The following OSTC variants were observed in gnomAD, a reference collection of about 807,000 sequenced individuals.
The protein encoded by OSTC is oligosaccharyltransferase complex non-catalytic subunit, also known as oligosaccharyltransferase complex subunit OSTC.
Under a neutral mutation model 16.4 loss-of-function variants are expected in OSTC, and 16 were observed. The observed-to-expected ratio is 0.98, with a 90% CI of 0.66 to 1.49. The LOEUF is 1.49. OSTC is among the 40% of genes most tolerant of loss of function. The pLI is 0.00. For synonymous variants in OSTC, 67 were observed against 68.5 expected, an observed-to-expected ratio of 0.98 and a Z score of 0.11; for missense variants, 139 against 186.3, an observed-to-expected ratio of 0.75 and a Z score of 1.48.
chr4:108,653,471 A>G lies in OSTC; in HGVS notation c.140-2093A>G, dbSNP rs117970547. Among the ~76,000 whole-genome samples, 549 of 152,316 alleles carry G rather than the reference A, an allele frequency of 3.6e-3. 15 individuals are homozygous for G. The East Asian group carries it at 0.079, about 22-fold the overall frequency. On this transcript the variant is annotated intron_variant, in intron 1 of 3. Coordinates refer to ENST00000361564, the MANE Select transcript of OSTC (RefSeq NM_021227.4). ...GTGGCCTTTGTAGTTGACTTAGACT[A>G]TACAAGGTTTATGGTAGTGGAGATT...
At chr4:108,650,937 G>C (rs1726519255) in intron 1 of OSTC, 143 bp downstream of exon 1, 7 of 1,224,848 alleles carry the variant, frequency 5.7e-6, no homozygotes, top group Non-Finnish European at 7.8e-6. Context: ...GGAGTTCTGG[G>C]GTCCGAAGTG....
chr4:108,656,904 C>A (rs1263113977), intron 2 of OSTC, among the ~76,000 whole-genome samples: 1 of 152,026 alleles, frequency 6.6e-6, no homozygotes. Context: ...TTGGGACTAT[C>A]CTGGCTAACC....
chr4:108,659,401 A>G (rs1300855590), intron 3 of OSTC, among the ~76,000 whole-genome samples: 1 of 152,128 alleles, frequency 6.6e-6, no homozygotes. Flanking sequence ...GTAAGTCACC[A>G]TAGCCTGGTA....
At chr4:108,657,766 AC>A in intron 3 of OSTC, 119 bp downstream of exon 3, 1 of 892,658 alleles carries the variant, frequency 1.1e-6, no homozygotes, top group Admixed American at 2.8e-5. Flanking sequence ...AAATCCAGAA[AC>A]CAAATATATT....
intron 1 of OSTC, 126 bp downstream of exon 1, chr4:108,650,920 G>T (rs1578335352): frequency 7.2e-7 from 1 of 1,379,882 alleles, no homozygotes; most frequent in Non-Finnish European, 9.8e-7. Context: ...TTTTCTGAGG[G>T]TGGAGGGGAG....
chr4:108,650,637 G>T lies in OSTC; in HGVS notation c.-19G>T, dbSNP rs753301549. 3.1e-6 allele frequency: 5 copies of T among 1,612,620 alleles called. No individual in the cohort carries two copies. The highest frequency in any genetic ancestry group is 2.7e-5 in the African/African-American group (2 of 74,876). Reference sequence around the variant, plus strand: ...GCGCGTGGGGCTTGAGGCCGAGAACGGCCCTTGCTGCCACCAACATGGAGA... The same window carrying T: ...GCGCGTGGGGCTTGAGGCCGAGAACTGCCCTTGCTGCCACCAACATGGAGA... On this transcript the variant is annotated 5_prime_UTR_variant, in exon 1 of 4. Coordinates refer to ENST00000361564, the MANE Select transcript of OSTC (RefSeq NM_021227.4).
chr4:108,663,891 GT>G (rs909940985), intron 3 of OSTC, among the ~76,000 whole-genome samples: 2 of 152,094 alleles, frequency 1.3e-5, no homozygotes, highest in African/African-American at 4.8e-5. Flanking sequence ...TCTCTAGTTG[GT>G]TTTTGAGTTC....
chr4:108,658,012 A>G (rs1189120606), intron 3 of OSTC, among the ~76,000 whole-genome samples: 3 of 136,204 alleles, frequency 2.2e-5, no homozygotes, highest in African/African-American at 2.8e-5. Flanking sequence ...GCTCACTGCA[A>G]CCTCTGCCTC....
chr4:108,662,380 T>G (rs940468919), intron 3 of OSTC, among the ~76,000 whole-genome samples: 2 of 152,248 alleles, frequency 1.3e-5, no homozygotes, highest in African/African-American at 4.8e-5. Flanking sequence ...TTTGTTGTGT[T>G]GTATTACACG....
intron 1 of OSTC, chr4:108,651,634 A>G (rs2575651): frequency 0.81 from 122,971 of 152,162 alleles, 49,997 homozygotes; most frequent in East Asian, 1. Context: ...GAACTGTGCT[A>G]CTGTGTACAT....
intron 3 of OSTC, among the ~76,000 whole-genome samples, chr4:108,657,907 G>A (rs1018794297): frequency 7.6e-6 from 1 of 132,364 alleles, no homozygotes; most frequent in African/African-American, 2.8e-5. Flanking sequence ...ACTGAAGATA[G>A]TCATTGTTTC....
At chr4:108,651,872 A>G (rs1045140587) in intron 1 of OSTC, among the ~76,000 whole-genome samples, 5 of 152,236 alleles carry the variant, frequency 3.3e-5, no homozygotes, top group Admixed American at 2.0e-4. Flanking sequence ...GCTGAGTTCT[A>G]GAAAGCACCT....
At position 108,657,564 on chromosome 4, in the gene OSTC, T is replaced by TGAAC. The variant is rs1300161318; in HGVS notation, c.348_349insGAAC (p.Arg117GlufsTer21). On this transcript the variant is annotated frameshift_variant, in exon 3 of 4. Transcript: ENST00000361564. LOFTEE classifies it high-confidence loss of function. ...ATGCACCAAATATCCCAAAACTCAA[T>TGAAC]AGATTCCTTCTTCTGTTCATTGGAT... is the stretch of plus-strand genomic sequence containing the variant. The TGAAC allele has an allele frequency of 1.2e-6, 2 of 1,613,636 alleles. No homozygotes were observed. The highest frequency in any genetic ancestry group is 2.7e-5 in the African/African-American group (2 of 74,908).
chr4:108,663,934 T>C (rs1234143889), intron 3 of OSTC, among the ~76,000 whole-genome samples: 1 of 152,182 alleles, frequency 6.6e-6, no homozygotes, highest in Non-Finnish European at 1.5e-5. Context: ...TTATCTACGG[T>C]TTTACTTATG....
chr4:108,651,412 G>A (rs1456036341), intron 1 of OSTC: 1 of 152,566 alleles, frequency 6.6e-6, no homozygotes, highest in Non-Finnish European at 1.5e-5. Context: ...ATTTGCAGAC[G>A]ATACTGTATT....
chr4:108,663,645 A>G (rs970122849), intron 3 of OSTC, among the ~76,000 whole-genome samples: 8 of 152,184 alleles, frequency 5.3e-5, no homozygotes, highest in African/African-American at 1.2e-4. Context: ...TTTTGAGCAA[A>G]CGACTTAATT....
At position 108,650,773 on chromosome 4, in the gene OSTC, T is replaced by A. The variant is rs769729152; in HGVS notation, c.118T>A (p.Ser40Thr). ...AMTVYALVVVSYFLITGGIIY... is the reference protein window; with the variant it reads ...AMTVYALVVVTYFLITGGIIY... Reference sequence around the variant, plus strand: ...GACTGTGTATGCTCTGGTGGTGGTGTCTTACTTCCTCATCACCGGAGGTAA... The same window carrying A: ...GACTGTGTATGCTCTGGTGGTGGTGACTTACTTCCTCATCACCGGAGGTAA... The change falls in exon 1 of 4, where the codon TCT becomes ACT. Residue 40 changes from serine to threonine, a missense_variant. Physicochemically the swap from Ser to Thr is moderately conservative, Grantham distance 58 (BLOSUM62 1). Transcript: ENST00000361564. 6.2e-7 allele frequency: 1 copy of A among 1,614,166 alleles called. No homozygotes were observed. The highest frequency in any genetic ancestry group is 1.1e-5 in the South Asian group (1 of 91,082).
chr4:108,656,346 G>T (rs562790473), intron 2 of OSTC, among the ~76,000 whole-genome samples: 1 of 152,066 alleles, frequency 6.6e-6, no homozygotes, highest in African/African-American at 2.4e-5. Flanking sequence ...ATTCTCTGTG[G>T]AGGGGAGTTA....
chr4:108,664,660 C>T (rs1473774308), intron 3 of OSTC, among the ~76,000 whole-genome samples: 7 of 151,188 alleles, frequency 4.6e-5, no homozygotes, highest in Admixed American at 2.0e-4. Context: ...GTGGCATGAT[C>T]TCGGTTCACT....
Sources: allele counts gnomAD v4.1 joint callset (sites outside exome capture counted in the v4.1 genomes callset), GRCh38; gene constraint gnomAD v4.1.1; transcripts MANE v1.5; gene names NCBI Gene and HGNC (gene_info 2026-07-23, HGNC 2026-07-21).